The following ZC3HC1 variants were observed in gnomAD, a reference collection of about 807,000 sequenced individuals.
The protein encoded by ZC3HC1 is zinc finger C3HC-type containing 1.
Under a neutral mutation model 61.9 loss-of-function variants are expected in ZC3HC1, and 38 were observed. The observed-to-expected ratio is 0.61, with a 90% CI of 0.47 to 0.81. The LOEUF (loss-of-function observed/expected upper bound fraction) is 0.81, where lower values mean the gene tolerates loss of function less well. Ranked by LOEUF, ZC3HC1 falls within the 30% of genes least tolerant of loss-of-function variation. ZC3HC1 has a pLI of 0.00. For missense variants in ZC3HC1, 554 were observed against 622.7 expected (o/e 0.89, Z 1.17); for synonymous variants, 213 against 229.9 (o/e 0.93, Z 0.67).
At chr7:130,047,638 TACACACACAC>T (rs34052360) in intron 2 of ZC3HC1, among the ~76,000 whole-genome samples, 7 of 138,216 alleles carry the variant, frequency 5.1e-5, no homozygotes, top group South Asian at 4.8e-4. Context: ...AGACTTTGTC[TACACACACAC>T]ACACACACAC....
At chr7:130,041,346 C>T (rs1794663847) in intron 2 of ZC3HC1, among the ~76,000 whole-genome samples, 1 of 151,970 alleles carries the variant, frequency 6.6e-6, no homozygotes, top group African/African-American at 2.4e-5. Context: ...CGCCACCACA[C>T]CCAGCTAATT....
intron 2 of ZC3HC1, among the ~76,000 whole-genome samples, chr7:130,042,792 C>T (rs1255869406): frequency 6.6e-6 from 1 of 152,160 alleles, no homozygotes; most frequent in Non-Finnish European, 1.5e-5. Context: ...AACCGATTCT[C>T]CTGCCTCAGC....
chr7:130,032,097 G>A (rs529820318), intron 4 of ZC3HC1, among the ~76,000 whole-genome samples: 4 of 152,138 alleles, frequency 2.6e-5, no homozygotes, highest in Admixed American at 1.3e-4. Context: ...GGTGGTGGGT[G>A]CCTGTAATCC....
intron 3 of ZC3HC1, among the ~76,000 whole-genome samples, chr7:130,039,934 GGT>G (rs1423204394): frequency 6.6e-6 from 1 of 150,916 alleles, no homozygotes; most frequent in Non-Finnish European, 1.5e-5. Context: ...TAGTCAGGCT[GGT>G]CTCAAACTCC....
chr7:130,045,436 A>G, intron 2 of ZC3HC1: 1 of 456,880 alleles, frequency 2.2e-6, no homozygotes, highest in South Asian at 1.5e-5. Context: ...ACCCATCAGT[A>G]CCATGTTGGC....
chr7:130,024,986 A>G (rs1246238407), intron 6 of ZC3HC1, among the ~76,000 whole-genome samples: 2 of 125,764 alleles, frequency 1.6e-5, no homozygotes. Context: ...GCTCACTGCA[A>G]CCTCCGCCTC....
chr7:130,023,750 T>A lies in ZC3HC1; in HGVS notation c.1021-27A>T. ...TGAAGGAAAGGGGAGATAATGGAAG[T>A]ACACGAATGATATTAATGATTATGG... On this transcript the variant is annotated intron_variant, in intron 7 of 9. Transcript: ENST00000358303. The surrounding 1 kb of genome is among the most constrained non-coding windows in gnomAD (Gnocchi z 4.2). 6.5e-7 allele frequency: 1 copy of A among 1,545,690 alleles called. No individual in the cohort carries two copies. Among genetic ancestry groups the A allele is most frequent in the Non-Finnish European group, 8.9e-7 (1 of 1,123,972 alleles).
intron 7 of ZC3HC1, 103 bp downstream of exon 7, chr7:130,024,160 G>C: frequency 6.9e-7 from 1 of 1,439,654 alleles, no homozygotes; most frequent in South Asian, 1.4e-5. Flanking sequence ...AATGTAGTGG[G>C]AAGAGAAGCC....
intron 4 of ZC3HC1, among the ~76,000 whole-genome samples, chr7:130,035,784 T>C (rs1467608003): frequency 6.6e-6 from 1 of 152,168 alleles, no homozygotes; most frequent in Non-Finnish European, 1.5e-5. Context: ...GCCTCGCCAC[T>C]TTGCCTTTTT....
intron 4 of ZC3HC1, among the ~76,000 whole-genome samples, chr7:130,037,442 G>A (rs984967405): frequency 4.2e-4 from 64 of 151,882 alleles, no homozygotes; most frequent in African/African-American, 1.3e-3. Context: ...GCAAGACTCC[G>A]TCTCAAGGAA....
chr7:130,021,712 C>G lies in ZC3HC1; in HGVS notation c.1440+607G>C, dbSNP rs184213531. The stretch of plus-strand genomic sequence containing the variant: ...AGCTGTCTGCAACATGAGGCCGGAG[C>G]AGCTGCCTGTTCATCTATTTCTGTT... On this transcript the variant is annotated intron_variant, in intron 9 of 9. Transcript: ENST00000358303. 1.2e-4 allele frequency among the ~76,000 whole-genome samples: 19 copies of G among 152,338 alleles called. No individual in the cohort carries two copies. The East Asian group carries it at 2.9e-3, about 23-fold the overall frequency.
chr7:130,023,005 A>AC lies in ZC3HC1; in HGVS notation c.1234-481dup. On this transcript the variant is annotated intron_variant, in intron 8 of 9. Transcript: ENST00000358303. This position sits in a 1 kb window ranked among gnomAD's most constrained non-coding sequence, Gnocchi z 4.2. ...TCATGATCTGTCACTGTTTCCCGTC[A>AC]CCCCCAGATGAGATCATCTAGTTGC... The AC allele has an allele frequency of 5.6e-6, 1 of 179,042 alleles. No homozygotes were observed. Among genetic ancestry groups the AC allele is most frequent in the Non-Finnish European group, 1.2e-5 (1 of 84,654 alleles). 11.1% of individuals were successfully genotyped at this position (179,042 alleles called of 1,614,324 possible).
At chr7:130,051,152 C>T (rs1795058874) in intron 1 of ZC3HC1, 69 bp downstream of exon 1, 4 of 1,528,652 alleles carry the variant, frequency 2.6e-6, no homozygotes, top group East Asian at 4.8e-5. Context: ...CCTCCCCCAA[C>T]CCGCCACCCC....
intron 3 of ZC3HC1, among the ~76,000 whole-genome samples, chr7:130,040,339 A>C (rs1296274387): frequency 6.6e-6 from 1 of 150,808 alleles, no homozygotes; most frequent in African/African-American, 2.4e-5. Flanking sequence ...CTAAAAATAC[A>C]AAAAATTAGC....
intron 4 of ZC3HC1, among the ~76,000 whole-genome samples, chr7:130,032,385 A>C (rs1450449885): frequency 3.3e-5 from 5 of 151,396 alleles, no homozygotes; most frequent in African/African-American, 7.3e-5. Flanking sequence ...GTTGCTCATG[A>C]CTGTAATCCT....
chr7:130,031,233 G>A (rs111619960), intron 4 of ZC3HC1, among the ~76,000 whole-genome samples: 59 of 150,456 alleles, frequency 3.9e-4, no homozygotes, highest in African/African-American at 1.4e-3. Context: ...GGAGGCTGAG[G>A]CAGAATCGCT....
Position 130,023,616 on chromosome 7 carries a change from G to A in ZC3HC1, c.1128C>T (p.Arg376=), listed in dbSNP as rs994445161. ...CTGTTCCCATGCTTCGGGTCACTGG[G>A]CGAGTTCTGGTGGTGGGGCTAGCAG... is the stretch of plus-strand genomic sequence containing the variant. ...PEAASPTTRT[R]PVTRSMGTGD... Residue 376 remains arginine, a synonymous_variant, in exon 8 of 10, where the codon CGC becomes CGT. Transcript: ENST00000358303. The surrounding 1 kb of genome is among the most constrained non-coding windows in gnomAD (Gnocchi z 4.2). The A allele has an allele frequency of 6.2e-7, 1 of 1,614,178 alleles. No individual in the cohort carries two copies.
intron 9 of ZC3HC1, among the ~76,000 whole-genome samples, chr7:130,020,341 C>T (rs1198484690): frequency 3.4e-5 from 5 of 148,986 alleles, no homozygotes; most frequent in South Asian, 2.1e-4. Flanking sequence ...AGTGCGATCT[C>T]GGCTCACTGC....
chr7:130,037,395 G>C (rs530646506), intron 4 of ZC3HC1, among the ~76,000 whole-genome samples: 1 of 152,282 alleles, frequency 6.6e-6, no homozygotes, highest in Admixed American at 6.5e-5. Flanking sequence ...AGTGAGCCTA[G>C]ACTGAGCCAT....
Sources: allele counts gnomAD v4.1 joint callset (sites outside exome capture counted in the v4.1 genomes callset), GRCh38; gene constraint gnomAD v4.1.1; non-coding constraint Gnocchi (gnomAD v3.1); transcripts MANE v1.5; gene names NCBI Gene and HGNC (gene_info 2026-07-23, HGNC 2026-07-21).